PIP5K1C: variants seen among roughly 807,000 people sequenced by gnomAD.
The protein encoded by PIP5K1C is phosphatidylinositol 4-phosphate 5-kinase type-1 gamma.
A neutral mutation model predicts 80.1 loss-of-function variants in PIP5K1C; 45 were observed. That is an observed-to-expected ratio of 0.56 (90% CI 0.44 to 0.72). PIP5K1C has a LOEUF of 0.72. PIP5K1C is among the 30% of genes least tolerant of loss of function. PIP5K1C has a pLI of 0.00. For missense variants in PIP5K1C, 753 were observed against 954.6 expected (o/e 0.79, Z 2.78); for synonymous variants, 498 against 420.1 (o/e 1.19, Z -2.27).
At chr19:3,679,458 A>T (rs1174902124) in intron 1 of PIP5K1C, among the ~76,000 whole-genome samples, 1 of 152,116 alleles carries the variant, frequency 6.6e-6, no homozygotes, top group Admixed American at 6.5e-5. Flanking sequence ...CTTGCATCCC[A>T]TTCTATTTCC....
Position 3,633,526 on chromosome 19 carries a change from AG to A in PIP5K1C, c.1921-7del. 6.7e-7 allele frequency: 1 copy of A among 1,491,500 alleles called. No individual in the cohort carries two copies. The highest frequency in any genetic ancestry group is 1.4e-5 in the African/African-American group (1 of 71,456). The allele number at this position is 1,491,500 out of a possible 1,614,324, so 92.4% of individuals were successfully genotyped here. The stretch of plus-strand genomic sequence containing the variant: ...CAGCTCCTCTCATCGGTGGGCTGGC[AG>A]GTGGGCGCGCGTGCAGGAGGGCGCG... On this transcript the variant is annotated splice_polypyrimidine_tract_variant and splice_region_variant and intron_variant, in intron 16 of 17. Transcript: ENST00000335312.
chr19:3,658,292 C>G (rs1054562564), intron 5 of PIP5K1C, among the ~76,000 whole-genome samples: 6 of 152,392 alleles, frequency 3.9e-5, no homozygotes, highest in Admixed American at 3.9e-4. Context: ...GCATGCGCTG[C>G]TTCTGCCATG....
At chr19:3,654,000 A>G (rs1413903912) in intron 6 of PIP5K1C, among the ~76,000 whole-genome samples, 1 of 152,192 alleles carries the variant, frequency 6.6e-6, no homozygotes, top group Non-Finnish European at 1.5e-5. Context: ...ACACACACGC[A>G]CACACACATG....
intron 5 of PIP5K1C, among the ~76,000 whole-genome samples, chr19:3,660,667 T>C (rs1264799315): frequency 6.6e-6 from 1 of 152,072 alleles, no homozygotes; most frequent in Non-Finnish European, 1.5e-5. Context: ...CTATACCAAC[T>C]GTTTGGTGAG....
rs1354582557 is a variant in PIP5K1C, at chr19:3,637,482, C to A, written c.1920+1402G>T. On this transcript the variant is annotated intron_variant, in intron 16 of 17. Coordinates refer to ENST00000335312, the MANE Select transcript of PIP5K1C (RefSeq NM_012398.3). This position sits in a 1 kb window ranked among gnomAD's most constrained non-coding sequence, Gnocchi z 7.0. ...CCGGCCGGGGACCTGCGGCTCCCTG[C>A]TGCCCGAGGGGCACTGCCCCTTCTC... 9.1e-6 allele frequency: 14 copies of A among 1,535,588 alleles called. No homozygotes were observed. The highest frequency in any genetic ancestry group is 7.8e-6 in the Non-Finnish European group (9 of 1,146,796).
In PIP5K1C at chr19:3,638,877, C is replaced by A; in HGVS notation, c.1920+7G>T. 1 of 1,613,040 alleles carries A rather than the reference C, an allele frequency of 6.2e-7. No individual in the cohort carries two copies. Among genetic ancestry groups the A allele is most frequent in the Non-Finnish European group, 8.5e-7 (1 of 1,179,896 alleles). On this transcript the variant is annotated splice_region_variant and intron_variant, in intron 16 of 17. Transcript: ENST00000335312. ...AGCCGGCGGCAGGAGGAGCCCGGGG[C>A]ACTTACAAAGTAGATGTCGGTGGCG...
intron 8 of PIP5K1C, among the ~76,000 whole-genome samples, chr19:3,649,021 G>C (rs2034353648): frequency 6.6e-6 from 1 of 152,130 alleles, no homozygotes; most frequent in South Asian, 2.1e-4. Flanking sequence ...AGGGCCACGG[G>C]GTCTCAGGTA....
At chr19:3,656,148 G>A (rs1026359421) in intron 6 of PIP5K1C, among the ~76,000 whole-genome samples, 2 of 152,202 alleles carry the variant, frequency 1.3e-5, no homozygotes, top group Non-Finnish European at 2.9e-5. Context: ...GCCAGGCAGG[G>A]GCCGGTGCCC....
chr19:3,662,519 A>G (rs2034867851), intron 3 of PIP5K1C, among the ~76,000 whole-genome samples: 1 of 152,284 alleles, frequency 6.6e-6, no homozygotes, highest in Admixed American at 6.5e-5. Context: ...GATGGGCACA[A>G]TGGTTCTGGC....
chr19:3,674,479 C>T (rs1320036065), intron 1 of PIP5K1C, among the ~76,000 whole-genome samples: 5 of 152,020 alleles, frequency 3.3e-5, no homozygotes, highest in East Asian at 3.9e-4. Flanking sequence ...CAGCCTCCCC[C>T]GAGTAGCTGC....
chr19:3,640,455 G>A (rs918308712), intron 15 of PIP5K1C, among the ~76,000 whole-genome samples: 1 of 152,170 alleles, frequency 6.6e-6, no homozygotes, highest in African/African-American at 2.4e-5. Flanking sequence ...GGTGGAGGTT[G>A]CAGTGAGCCG....
At chr19:3,634,105 C>T (rs762761183) in intron 16 of PIP5K1C, among the ~76,000 whole-genome samples, 7 of 152,132 alleles carry the variant, frequency 4.6e-5, no homozygotes, top group Non-Finnish European at 7.4e-5. Flanking sequence ...AGCCAGGAGA[C>T]GCCTTCCTGA....
intron 1 of PIP5K1C, among the ~76,000 whole-genome samples, chr19:3,668,660 G>A (rs1359594462): frequency 3.3e-5 from 5 of 152,186 alleles, no homozygotes; most frequent in African/African-American, 4.8e-5. Context: ...ACGTGCTGGC[G>A]TCCACCATGC....
chr19:3,694,944 G>A (rs547474815), intron 1 of PIP5K1C, among the ~76,000 whole-genome samples: 34 of 152,256 alleles, frequency 2.2e-4, no homozygotes, highest in Non-Finnish European at 4.1e-4. Context: ...CGTGGGACAC[G>A]TAGCCCCAAG....
chr19:3,693,613 G>T (rs1223822519), intron 1 of PIP5K1C, among the ~76,000 whole-genome samples: 1 of 152,202 alleles, frequency 6.6e-6, no homozygotes, highest in Non-Finnish European at 1.5e-5. Context: ...CCCGCTCCTC[G>T]TTCACAGCCC....
intron 15 of PIP5K1C, among the ~76,000 whole-genome samples, chr19:3,640,788 G>A (rs777018381): frequency 4.0e-5 from 6 of 151,270 alleles, no homozygotes; most frequent in Non-Finnish European, 7.4e-5. Context: ...CCGGGTTCAC[G>A]CCATTCTCCT....
Position 3,630,387 on chromosome 19 carries a change from G to C in PIP5K1C, c.*2780C>G, listed in dbSNP as rs1260177821. On this transcript the variant is annotated 3_prime_UTR_variant, in exon 18 of 18. Transcript: ENST00000335312. ...TCACGCACCAGACCACGGGGCGGAGGAATGGAGTGGCATCCCTGGGGGGAG... is the reference window on the plus strand; with the variant it reads ...TCACGCACCAGACCACGGGGCGGAGCAATGGAGTGGCATCCCTGGGGGGAG... The C allele has an allele frequency of 1.3e-5, 2 of 152,618 alleles. No homozygotes were observed. Among genetic ancestry groups the C allele is most frequent in the Non-Finnish European group, 2.9e-5 (2 of 68,048 alleles). 9.5% of individuals were successfully genotyped at this position (152,618 alleles called of 1,614,324 possible).
At chr19:3,661,412 A>G (rs1161620338) in intron 4 of PIP5K1C, among the ~76,000 whole-genome samples, 2 of 152,234 alleles carry the variant, frequency 1.3e-5, no homozygotes, top group African/African-American at 2.4e-5. Flanking sequence ...GAGCAGAAAC[A>G]CTGGTCATGT....
At chr19:3,633,294 C>G (rs1436411963) in intron 17 of PIP5K1C, 125 bp from the exon 18 acceptor site, 1 of 680,708 alleles carries the variant, frequency 1.5e-6, no homozygotes, top group African/African-American at 1.8e-5. Context: ...CACCTCAGAG[C>G]CAGAGAGCCC....
Sources: gnomAD v4.1 joint callset for allele counts (sites outside exome capture counted in the v4.1 genomes callset) on GRCh38, gnomAD v4.1.1 for gene constraint, Gnocchi (gnomAD v3.1) non-coding constraint, MANE v1.5 for transcripts, NCBI Gene and HGNC (gene_info 2026-07-23, HGNC 2026-07-21) for gene names.